The following AK9 variants were observed in gnomAD, a reference collection of about 807,000 sequenced individuals.
AK9 encodes adenylate kinase 9, also known as adenylate kinase domain containing 1.
A neutral mutation model predicts 239.6 loss-of-function variants in AK9; 191 were observed. The ratio of observed to expected loss-of-function variants is 0.80; its 90% CI spans 0.71 to 0.90. The LOEUF is 0.90. Among genes scored for constraint, AK9 ranks in the 40% least tolerant of loss-of-function variants. The pLI is 0.00. For missense variants in AK9, 1,995 were observed against 2,214.7 expected (o/e 0.90, Z 1.99); for synonymous variants, 689 against 721.0 (o/e 0.96, Z 0.71).
At chr6:109,637,819 A>G (rs937258548) in intron 10 of AK9, among the ~76,000 whole-genome samples, 2 of 152,222 alleles carry the variant, frequency 1.3e-5, no homozygotes, top group African/African-American at 4.8e-5. Context: ...ACTTTAATTG[A>G]CCAGGCTCCT....
chr6:109,511,057 CTTG>C (rs1339028064), intron 32 of AK9, among the ~76,000 whole-genome samples: 6 of 131,188 alleles, frequency 4.6e-5, no homozygotes, highest in Admixed American at 3.1e-4. Flanking sequence ...ACCAAATCTG[CTTG>C]TTTTTTTTTT....
At chr6:109,664,707 G>A (rs1194500851) in intron 5 of AK9, among the ~76,000 whole-genome samples, 1 of 151,076 alleles carries the variant, frequency 6.6e-6, no homozygotes, top group African/African-American at 2.4e-5. Flanking sequence ...ACAGGCATGA[G>A]CCACCACGTC....
intron 31 of AK9, 77 bp downstream of exon 31, chr6:109,515,780 T>A: frequency 7.6e-7 from 1 of 1,320,222 alleles, no homozygotes; most frequent in Non-Finnish European, 1.0e-6. Flanking sequence ...TTATCCAGTC[T>A]TTTTCCTTTA....
At chr6:109,687,401 T>C (rs1362698665) in intron 1 of AK9, among the ~76,000 whole-genome samples, 1 of 152,210 alleles carries the variant, frequency 6.6e-6, no homozygotes, top group African/African-American at 2.4e-5. Flanking sequence ...AACTTGCTTC[T>C]AAATAGAGCA....
At chr6:109,553,518 A>T (rs1199684118) in intron 24 of AK9, among the ~76,000 whole-genome samples, 1 of 152,120 alleles carries the variant, frequency 6.6e-6, no homozygotes, top group Non-Finnish European at 1.5e-5. Context: ...TTGTTGGTGT[A>T]AAGGAATGCC....
chr6:109,530,188 G>T (rs1036073815), intron 28 of AK9, among the ~76,000 whole-genome samples: 1 of 152,106 alleles, frequency 6.6e-6, no homozygotes. Context: ...TCTGTAAACT[G>T]GTCTCCCTTT....
At chr6:109,536,106 T>C (rs1019207379) in intron 27 of AK9, among the ~76,000 whole-genome samples, 1 of 152,224 alleles carries the variant, frequency 6.6e-6, no homozygotes, top group Non-Finnish European at 1.5e-5. Flanking sequence ...TTTGGTTCCA[T>C]ATGAACTTTA....
chr6:109,557,022 C>T (rs1462712854), intron 24 of AK9, among the ~76,000 whole-genome samples: 1 of 152,066 alleles, frequency 6.6e-6, no homozygotes, highest in Non-Finnish European at 1.5e-5. Flanking sequence ...GTTCTGTGCC[C>T]TTGGTGGAGA....
In AK9 at chr6:109,691,143, T is replaced by C. The variant is rs1774341021; in HGVS notation, c.-12+4A>G. On this transcript the variant is annotated splice_donor_region_variant and intron_variant, in intron 1 of 40. Coordinates refer to ENST00000424296, the MANE Select transcript of AK9 (RefSeq NM_001145128.3). ...CTCCGCCCATGTTTTCCTCCAATCC[T>C]TACCAAAGATGGTGCCCTTCGCTTC... 2 of 557,382 alleles carry C rather than the reference T, an allele frequency of 3.6e-6. No homozygotes were observed. The highest frequency in any genetic ancestry group is 4.4e-5 in the South Asian group (2 of 45,628). 34.5% of individuals were successfully genotyped at this position (557,382 alleles called of 1,614,324 possible). A position where few individuals can be genotyped will look rare whatever the true frequency, so the allele number is the denominator to read the frequency against.
intron 12 of AK9, among the ~76,000 whole-genome samples, chr6:109,630,078 A>G (rs943723412): frequency 3.9e-5 from 6 of 152,200 alleles, no homozygotes; most frequent in Non-Finnish European, 8.8e-5. Flanking sequence ...ATTGAAAGTA[A>G]TATGTCAGGC....
At chr6:109,690,710 G>C in intron 1 of AK9, 1 of 152,256 alleles carries the variant, frequency 6.6e-6, no homozygotes. Context: ...GGAAGAGAGG[G>C]TACGCGCATG....
intron 1 of AK9, among the ~76,000 whole-genome samples, chr6:109,679,455 C>G (rs1271599614): frequency 6.6e-6 from 1 of 152,152 alleles, no homozygotes; most frequent in Non-Finnish European, 1.5e-5. Context: ...CAGCCCCAGT[C>G]AGGGGCTTAT....
intron 17 of AK9, among the ~76,000 whole-genome samples, chr6:109,594,234 A>G (rs1323904468): frequency 6.6e-6 from 1 of 152,214 alleles, no homozygotes; most frequent in Non-Finnish European, 1.5e-5. Context: ...AGACAAACAG[A>G]GAGCCAAATC....
intron 17 of AK9, among the ~76,000 whole-genome samples, chr6:109,608,515 A>C (rs1793194603): frequency 6.6e-6 from 1 of 152,076 alleles, no homozygotes; most frequent in Non-Finnish European, 1.5e-5. Context: ...TAGTGATGTT[A>C]AGTACCTTTT....
chr6:109,506,882 T>C lies in AK9; in HGVS notation c.4482-82A>G, dbSNP rs1257546276. ...CTTTCTGTCTTCCAGAACCAGTCTG[T>C]CTCTTTAGGAGTAGCTCATGATTTT... On this transcript the variant is annotated intron_variant, in intron 33 of 40. Coordinates refer to ENST00000424296, the MANE Select transcript of AK9 (RefSeq NM_001145128.3). 5 of 1,430,188 alleles carry C rather than the reference T, an allele frequency of 3.5e-6. No homozygotes were observed. In the African/African-American group the frequency reaches 7.2e-5, roughly 21 times the overall value. 88.6% of individuals were successfully genotyped at this position (1,430,188 alleles called of 1,614,324 possible). A position where few individuals can be genotyped will look rare whatever the true frequency, so the allele number is the denominator to read the frequency against.
chr6:109,633,311 G>GA lies in AK9; in HGVS notation c.945dup (p.Arg316SerfsTer7). 6.3e-7 allele frequency: 1 copy of GA among 1,598,904 alleles called. No individual in the cohort carries two copies. Among genetic ancestry groups the GA allele is most frequent in the East Asian group, 2.2e-5 (1 of 44,602 alleles). On this transcript the variant is annotated frameshift_variant, in exon 11 of 41. Coordinates refer to ENST00000424296, the MANE Select transcript of AK9 (RefSeq NM_001145128.3). LOFTEE classifies it high-confidence loss of function. The stretch of plus-strand genomic sequence containing the variant: ...ATAAGTTTATAAGATGCAAGAGTAC[G>GA]AAATAGCTCATCCTGTGAATTGCAA...
rs1354832127 is a variant in AK9 at position 109,546,086 on chromosome 6, A to G, written c.3006T>C (p.Ser1002=). Residue 1002 remains serine, a synonymous_variant, in exon 26 of 41, where the codon TCT becomes TCC. Coordinates refer to ENST00000424296, the MANE Select transcript of AK9 (RefSeq NM_001145128.3). ...ACTGTCTTCCACACATAGTTTTGCC[A>G]GAGCCCTGGGGGCCGACAAGGCATA... is the stretch of plus-strand genomic sequence containing the variant. ...LRICLVGPQG[S]GKTMCGRQLA... 6.8e-7 allele frequency: 1 copy of G among 1,464,522 alleles called. No homozygotes were observed. Among genetic ancestry groups the G allele is most frequent in the South Asian group, 1.1e-5 (1 of 89,138 alleles). The allele number at this position is 1,464,522 out of a possible 1,614,324, so 90.7% of individuals were successfully genotyped here.
At chr6:109,542,309 A>G (rs939676216) in intron 26 of AK9, 138 bp from the exon 27 acceptor site, 80 of 771,800 alleles carry the variant, frequency 1.0e-4, no homozygotes, top group Non-Finnish European at 1.4e-4. Flanking sequence ...CAGGCAGGGA[A>G]GGGTGTGTGG....
At chr6:109,656,952 C>A in intron 7 of AK9, 68 bp from the exon 8 acceptor site, 1 of 1,556,808 alleles carries the variant, frequency 6.4e-7, no homozygotes, top group Non-Finnish European at 8.8e-7. Flanking sequence ...AGCCATATTC[C>A]CCACTCCTTA....
Sources: gnomAD v4.1 joint callset for allele counts (sites outside exome capture counted in the v4.1 genomes callset) on GRCh38, gnomAD v4.1.1 for gene constraint, MANE v1.5 for transcripts, NCBI Gene and HGNC (gene_info 2026-07-23, HGNC 2026-07-21) for gene names.